The following C3orf33 variants were observed in gnomAD, a reference collection of about 807,000 sequenced individuals.
C3orf33 encodes AP-1 activity suppressor.
Under a neutral mutation model 28.7 loss-of-function variants are expected in C3orf33, and 23 were observed. The observed-to-expected ratio is 0.80, with a 90% CI of 0.58 to 1.13. The LOEUF (loss-of-function observed/expected upper bound fraction) is 1.13, where lower values mean the gene tolerates loss of function less well. Among genes scored for constraint, C3orf33 ranks in the 50% most tolerant of loss-of-function variants. The probability of loss-of-function intolerance (pLI) is 0.00; values close to 1 mark genes in which losing one functional copy is unlikely to be tolerated. For synonymous variants in C3orf33, 119 were observed against 120.5 expected (o/e 0.99, Z 0.08); for missense variants, 327 against 353.4 (o/e 0.93, Z 0.60).
At chr3:155,800,895 T>A (rs916066417) in intron 2 of C3orf33, among the ~76,000 whole-genome samples, 3 of 151,990 alleles carry the variant, frequency 2.0e-5, no homozygotes, top group African/African-American at 7.3e-5. Flanking sequence ...CTCAAACTCA[T>A]TAGGATGACT....
intron 3 of C3orf33, among the ~76,000 whole-genome samples, chr3:155,769,405 T>C (rs1750509372): frequency 6.7e-6 from 1 of 150,300 alleles, no homozygotes; most frequent in Non-Finnish European, 1.5e-5. Flanking sequence ...CGAGAATCAC[T>C]TCAATCTAGG....
chr3:155,777,691 G>A (rs1750794128), intron 2 of C3orf33, among the ~76,000 whole-genome samples: 1 of 152,072 alleles, frequency 6.6e-6, no homozygotes, highest in South Asian at 2.1e-4. Context: ...CCTGCCTCAT[G>A]AATTTTGATG....
chr3:155,765,328 G>A (rs1380746936), intron 4 of C3orf33, among the ~76,000 whole-genome samples: 2 of 152,192 alleles, frequency 1.3e-5, no homozygotes, highest in East Asian at 3.8e-4. Flanking sequence ...GAGTGGTTCT[G>A]AAGATAAGTA....
intron 2 of C3orf33, among the ~76,000 whole-genome samples, chr3:155,779,331 G>A (rs1043499890): frequency 1.3e-5 from 2 of 152,094 alleles, no homozygotes; most frequent in Non-Finnish European, 2.9e-5. Context: ...GTCTCGCTCT[G>A]TTGCCCAGGC....
chr3:155,804,209 A>G (rs781233846), intron 1 of C3orf33: 12 of 428,758 alleles, frequency 2.8e-5, no homozygotes, highest in Non-Finnish European at 4.6e-5. Flanking sequence ...GATTGAAAAT[A>G]TGCACAAAGG....
intron 2 of C3orf33, among the ~76,000 whole-genome samples, chr3:155,801,667 T>C (rs915282591): frequency 1.3e-5 from 2 of 152,078 alleles, no homozygotes; most frequent in Non-Finnish European, 2.9e-5. Flanking sequence ...TCTAGAATGG[T>C]CAAAATCATG....
At chr3:155,800,610 C>CAAAAAAAA (rs58092818) in intron 2 of C3orf33, among the ~76,000 whole-genome samples, 929 of 15,638 alleles carry the variant, frequency 0.059, 234 homozygotes, top group Non-Finnish European at 0.088. Context: ...ACCTTATCTC[C>CAAAAAAAA]AAAAAAAAAA....
intron 3 of C3orf33, among the ~76,000 whole-genome samples, chr3:155,769,088 G>A (rs571790558): frequency 6.6e-6 from 1 of 152,290 alleles, no homozygotes; most frequent in Admixed American, 6.5e-5. Context: ...TGAGGCAGGT[G>A]GATCACCTGA....
intron 2 of C3orf33, among the ~76,000 whole-genome samples, chr3:155,789,344 CAAA>C (rs57871976): frequency 8.9e-6 from 1 of 112,178 alleles, no homozygotes; most frequent in African/African-American, 3.5e-5. Context: ...GACTCTGTCT[CAAA>C]AAAAAAAAAA....
chr3:155,765,695 C>T (rs1406452154), intron 4 of C3orf33, among the ~76,000 whole-genome samples: 3 of 151,476 alleles, frequency 2.0e-5, no homozygotes, highest in Non-Finnish European at 4.4e-5. Flanking sequence ...TTCCAGGCAC[C>T]CGGCACCATG....
chr3:155,767,830 T>C (rs1750460749), intron 3 of C3orf33, among the ~76,000 whole-genome samples, 161 bp from the exon 4 acceptor site: 1 of 152,230 alleles, frequency 6.6e-6, no homozygotes, highest in South Asian at 2.1e-4. Flanking sequence ...CAAGTTTTCT[T>C]TTAAAACAAT....
chr3:155,792,674 G>C (rs745344333), intron 2 of C3orf33, among the ~76,000 whole-genome samples: 6 of 152,162 alleles, frequency 3.9e-5, no homozygotes, highest in Admixed American at 1.3e-4. Context: ...CTCTGGAGCT[G>C]AAAAATGCAA....
At chr3:155,777,910 G>A (rs1750797902) in intron 2 of C3orf33, among the ~76,000 whole-genome samples, 1 of 152,036 alleles carries the variant, frequency 6.6e-6, no homozygotes, top group Non-Finnish European at 1.5e-5. Flanking sequence ...CCAGCATTTT[G>A]GGAGGCCGAG....
At chr3:155,805,640 T>C in intron 1 of C3orf33, 1 of 454,462 alleles carries the variant, frequency 2.2e-6, no homozygotes, top group Non-Finnish European at 4.4e-6. Context: ...GAGGATCTTT[T>C]CGGCCGAAGT....
chr3:155,781,933 G>A (rs9864027), intron 2 of C3orf33, among the ~76,000 whole-genome samples: 34,600 of 150,964 alleles, frequency 0.23, 4,661 homozygotes, highest in East Asian at 0.56. Context: ...AAAATTAGCC[G>A]GGTGTGGTGG....
At chr3:155,802,680 G>A in intron 1 of C3orf33, 89 bp from the exon 2 acceptor site, 4 of 958,828 alleles carry the variant, frequency 4.2e-6, no homozygotes, top group Non-Finnish European at 6.4e-6. Context: ...AAAGAAGACT[G>A]TCCTCTCTAT....
intron 2 of C3orf33, among the ~76,000 whole-genome samples, chr3:155,801,155 A>C: frequency 6.6e-6 from 1 of 152,096 alleles, no homozygotes; most frequent in East Asian, 1.9e-4. Flanking sequence ...TCTACCAAAA[A>C]TACAAAACAA....
At chr3:155,792,231 T>C (rs1434692816) in intron 2 of C3orf33, among the ~76,000 whole-genome samples, 1 of 152,200 alleles carries the variant, frequency 6.6e-6, no homozygotes, top group African/African-American at 2.4e-5. Context: ...ATGGTACATC[T>C]ATTAGACTGT....
chr3:155,793,313 G>A (rs1299358450), intron 2 of C3orf33, among the ~76,000 whole-genome samples: 1 of 151,148 alleles, frequency 6.6e-6, no homozygotes, highest in Non-Finnish European at 1.5e-5. Flanking sequence ...AAAAGCTGAG[G>A]GACTTCCTCA....
Sources: allele counts gnomAD v4.1 joint callset (sites outside exome capture counted in the v4.1 genomes callset), GRCh38; gene constraint gnomAD v4.1.1; transcripts MANE v1.5; gene names NCBI Gene and HGNC (gene_info 2026-07-23, HGNC 2026-07-21).